TBC1D22A: variants seen among roughly 807,000 people sequenced by gnomAD.
TBC1D22A encodes the protein TBC1 domain family member 22A, also known as putative GTPase activator.
A neutral mutation model predicts 60.2 loss-of-function variants in TBC1D22A; 38 were observed. That is an observed-to-expected ratio of 0.63 (90% CI 0.49 to 0.83). TBC1D22A has a LOEUF of 0.83. TBC1D22A is among the 40% of genes least tolerant of loss of function. TBC1D22A has a pLI of 0.00. For synonymous variants in TBC1D22A, 302 were observed against 281.7 expected, an observed-to-expected ratio of 1.07 and a Z score of -0.72; for missense variants, 628 against 701.0, an observed-to-expected ratio of 0.90 and a Z score of 1.18.
intron 5 of TBC1D22A, among the ~76,000 whole-genome samples, chr22:46,885,840 C>T (rs534520237): frequency 2.6e-4 from 39 of 152,254 alleles, no homozygotes; most frequent in African/African-American, 8.7e-4. Flanking sequence ...ACCCGGAAGG[C>T]ACCGCAGAAC....
chr22:47,002,142 C>T (rs1292016921), intron 10 of TBC1D22A, among the ~76,000 whole-genome samples: 1 of 152,238 alleles, frequency 6.6e-6, no homozygotes, highest in Non-Finnish European at 1.5e-5. Context: ...TACCTTTACT[C>T]TCCAACTGAT....
chr22:47,068,178 C>T (rs9615127), intron 11 of TBC1D22A, among the ~76,000 whole-genome samples: 2,451 of 152,396 alleles, frequency 0.016, 35 homozygotes, highest in Non-Finnish European at 0.027. Context: ...GCAGAAGTCT[C>T]CACTCTGGCC....
In TBC1D22A at chr22:46,974,284, G is replaced by A. The variant is rs374224589; in HGVS notation, c.1016-6G>A. The stretch of plus-strand genomic sequence containing the variant: ...CCTTGTCTTTTGCATGCTCGGCGCC[G>A]CCCAGAGGCAGAGGAGGTGGACACG... On this transcript the variant is annotated splice_polypyrimidine_tract_variant and splice_region_variant and intron_variant, in intron 8 of 12. Transcript: ENST00000337137. 175 of 1,585,976 alleles carry A rather than the reference G, an allele frequency of 1.1e-4. No homozygotes were observed. The highest frequency in any genetic ancestry group is 4.9e-4 in the Middle Eastern group (3 of 6,064).
chr22:46,762,952 C>T (rs2083151756), intron 1 of TBC1D22A, 104 bp downstream of exon 1: 3 of 1,103,160 alleles, frequency 2.7e-6, no homozygotes, highest in Admixed American at 3.8e-5. Context: ...GAGAGGGCAA[C>T]TTGGACTCTG....
At position 46,941,388 on chromosome 22, in the gene TBC1D22A, G is replaced by GAATATATATACA. The variant is rs1569247869; in HGVS notation, c.1015+29200_1015+29201insAATATATATACA. Among the ~76,000 whole-genome samples the GAATATATATACA allele has an allele frequency of 2.2e-4, 15 of 67,516 alleles. 1 individual carries two copies. Among genetic ancestry groups the GAATATATATACA allele is most frequent in the African/African-American group, 7.5e-4 (9 of 11,984 alleles). 44.3% of individuals were successfully genotyped at this position (67,516 alleles called of 152,430 possible). ...GAATATATATACAGAATATATATACGGAATATATATACACAGAATATATAT... is the reference window on the plus strand; with the variant it reads ...GAATATATATACAGAATATATATACGAATATATATACAGAATATATATACACAGAATATATAT... On this transcript the variant is annotated intron_variant, in intron 8 of 12. Transcript: ENST00000337137.
At chr22:47,099,406 C>G (rs1423169187) in intron 11 of TBC1D22A, among the ~76,000 whole-genome samples, 1 of 151,326 alleles carries the variant, frequency 6.6e-6, no homozygotes, top group African/African-American at 2.4e-5. Flanking sequence ...GGGGCAAAGA[C>G]AGTGAGCAGC....
rs2061692094 is a variant in TBC1D22A at position 47,009,549 on chromosome 22, A to C, written c.1201+11840A>C. On this transcript the variant is annotated intron_variant, in intron 10 of 12. Transcript: ENST00000337137. The surrounding 1 kb of genome is among the most constrained non-coding windows in gnomAD (Gnocchi z 5.8). ...CACCATCATCATCATTGCCATCATCACCATCATTACGTCATCACCAGCATC... is the reference window on the plus strand; with the variant it reads ...CACCATCATCATCATTGCCATCATCCCCATCATTACGTCATCACCAGCATC... Among the ~76,000 whole-genome samples the C allele has an allele frequency of 6.6e-6, 1 of 150,892 alleles. No homozygotes were observed.
At chr22:46,998,975 T>C (rs974012593) in intron 10 of TBC1D22A, among the ~76,000 whole-genome samples, 2 of 152,256 alleles carry the variant, frequency 1.3e-5, no homozygotes, top group Non-Finnish European at 2.9e-5. Flanking sequence ...CACTGAGTTC[T>C]CTGAAGTATG....
intron 4 of TBC1D22A, among the ~76,000 whole-genome samples, chr22:46,836,177 C>G (rs1117131): frequency 1.3e-5 from 2 of 151,914 alleles, no homozygotes; most frequent in African/African-American, 4.8e-5. Flanking sequence ...TTCAGAATAC[C>G]TCAATATTGT....
chr22:46,899,717 A>G (rs1017788503), intron 7 of TBC1D22A, among the ~76,000 whole-genome samples: 2 of 152,126 alleles, frequency 1.3e-5, no homozygotes, highest in Non-Finnish European at 2.9e-5. Flanking sequence ...ACTAGCAGGG[A>G]TAATAAGACG....
intron 8 of TBC1D22A, among the ~76,000 whole-genome samples, chr22:46,924,554 G>A (rs1045669966): frequency 1.3e-5 from 2 of 152,110 alleles, no homozygotes; most frequent in African/African-American, 2.4e-5. Flanking sequence ...AGACCAGCCC[G>A]ACCAACGTGG....
chr22:47,159,518 T>A (rs1054876493), intron 12 of TBC1D22A, among the ~76,000 whole-genome samples: 1 of 151,252 alleles, frequency 6.6e-6, no homozygotes, highest in Non-Finnish European at 1.5e-5. Context: ...ATACTCACCA[T>A]GTTTACACAC....
intron 9 of TBC1D22A, among the ~76,000 whole-genome samples, chr22:46,985,635 T>G (rs2074694541): frequency 6.6e-6 from 1 of 152,246 alleles, no homozygotes; most frequent in African/African-American, 2.4e-5. Flanking sequence ...CGTGTGAATC[T>G]ATCACAGTTT....
chr22:47,088,105 A>T (rs947315181), intron 11 of TBC1D22A, among the ~76,000 whole-genome samples: 6 of 140,218 alleles, frequency 4.3e-5, no homozygotes, highest in Non-Finnish European at 7.8e-5. Flanking sequence ...TAATAAATTT[A>T]AAAAAGATTC....
intron 11 of TBC1D22A, among the ~76,000 whole-genome samples, chr22:47,084,051 T>C (rs2064580424): frequency 6.6e-6 from 1 of 152,230 alleles, no homozygotes; most frequent in South Asian, 2.1e-4. Context: ...AAAAAGAATT[T>C]GGCTTCACCG....
chr22:46,839,702 A>G (rs2086669580), intron 4 of TBC1D22A, among the ~76,000 whole-genome samples: 1 of 152,258 alleles, frequency 6.6e-6, no homozygotes, highest in African/African-American at 2.4e-5. Context: ...AATATGTTAC[A>G]AAACTAGATT....
At chr22:47,013,765 T>C (rs1465046018) in intron 10 of TBC1D22A, among the ~76,000 whole-genome samples, 1 of 152,196 alleles carries the variant, frequency 6.6e-6, no homozygotes. Flanking sequence ...ATCCCGTCTT[T>C]CTACTCCTCT....
chr22:46,958,439 G>T (rs184637199), intron 8 of TBC1D22A, among the ~76,000 whole-genome samples: 1 of 152,188 alleles, frequency 6.6e-6, no homozygotes, highest in Non-Finnish European at 1.5e-5. Context: ...TGGGACAGGG[G>T]GCTCGGCATA....
intron 7 of TBC1D22A, among the ~76,000 whole-genome samples, chr22:46,909,830 G>A (rs549070427): frequency 9.2e-5 from 14 of 152,252 alleles, no homozygotes; most frequent in Admixed American, 4.6e-4. Context: ...GTCACACGCC[G>A]TCCCCTGGGC....
Sources: allele counts gnomAD v4.1 joint callset (sites outside exome capture counted in the v4.1 genomes callset), GRCh38; gene constraint gnomAD v4.1.1; non-coding constraint Gnocchi (gnomAD v3.1); transcripts MANE v1.5; gene names NCBI Gene and HGNC (gene_info 2026-07-23, HGNC 2026-07-21).